The following DDB1 variants were observed in gnomAD, a reference collection of about 807,000 sequenced individuals.
DDB1 encodes damage specific DNA binding protein 1.
A neutral mutation model predicts 133.1 loss-of-function variants in DDB1; 18 were observed. The ratio of observed to expected loss-of-function variants is 0.14; its 90% CI spans 0.09 to 0.20. The LOEUF (loss-of-function observed/expected upper bound fraction) is 0.20, where lower values mean the gene tolerates loss of function less well. Ranked by LOEUF, DDB1 falls within the 10% of genes least tolerant of loss-of-function variation. The pLI is 1.00. For synonymous variants in DDB1, 580 were observed against 550.5 expected, an observed-to-expected ratio of 1.05 and a Z score of -0.75; for missense variants, 828 against 1,459.2, an observed-to-expected ratio of 0.57 and a Z score of 7.05.
chr11:61,310,334 C>T lies in DDB1; in HGVS notation c.2362G>A (p.Val788Met). The T allele has an allele frequency of 6.2e-7, 1 of 1,612,610 alleles. No homozygotes were observed. Among genetic ancestry groups the T allele is most frequent in the African/African-American group, 1.3e-5 (1 of 75,016 alleles). ...HETSFGEEVE[V>M]HNLLIIDQHT... ...TGGTCAATGATAAGTAGGTTGTGCACCTCCACCTCTTCTCCAAAGGAGGTC... is the reference window on the plus strand; with the variant it reads ...TGGTCAATGATAAGTAGGTTGTGCATCTCCACCTCTTCTCCAAAGGAGGTC... The change falls in exon 19 of 27, where the codon GTG becomes ATG. Residue 788 changes from valine (V) to methionine (M), a missense_variant. Val to Met is a conservative substitution (Grantham distance 21). Coordinates refer to ENST00000301764, the MANE Select transcript of DDB1 (RefSeq NM_001923.5).
At chr11:61,302,503 T>C in intron 24 of DDB1, 79 bp downstream of exon 24, 1 of 1,596,374 alleles carries the variant, frequency 6.3e-7, no homozygotes, top group Middle Eastern at 1.7e-4. Flanking sequence ...TCTTGTACAG[T>C]TGCTCTCCCC....
intron 5 of DDB1, 107 bp from the exon 6 acceptor site, chr11:61,325,815 CATT>C: frequency 1.2e-6 from 1 of 840,664 alleles, no homozygotes; most frequent in Middle Eastern, 2.2e-4. Flanking sequence ...TTAAGGTCAT[CATT>C]ATTTTAAAAA....
At chr11:61,307,672 C>T (rs1217483085) in intron 21 of DDB1, among the ~76,000 whole-genome samples, 2 of 152,198 alleles carry the variant, frequency 1.3e-5, no homozygotes, top group Non-Finnish European at 2.9e-5. Context: ...GTACCTCTTC[C>T]CTGGATTCCA....
At chr11:61,301,600 G>A (rs187977681) in intron 25 of DDB1, 1 of 152,164 alleles carries the variant, frequency 6.6e-6, no homozygotes, top group African/African-American at 2.4e-5. Flanking sequence ...AGAAGAAGAA[G>A]AATAAAAGCA....
intron 10 of DDB1, among the ~76,000 whole-genome samples, chr11:61,316,948 T>G (rs1352533193): frequency 3.5e-3 from 14 of 3,986 alleles, no homozygotes; most frequent in African/African-American, 0.013. Flanking sequence ...AAAGGATAGA[T>G]ATATATATAT....
chr11:61,314,054 C>G lies in DDB1; in HGVS notation c.1746G>C (p.Leu582=). 1 of 1,613,962 alleles carries G rather than the reference C, an allele frequency of 6.2e-7. No individual in the cohort carries two copies. The highest frequency in any genetic ancestry group is 8.5e-7 in the Non-Finnish European group (1 of 1,179,938). The change falls in exon 14 of 27, where the codon CTG becomes CTC. Residue 582 remains leucine, a synonymous_variant. Transcript: ENST00000301764. ...TCCCTAAATGACACATACCTCCACC[C>G]AGCATCTCCTTGTGCAGTAGTTCAA... The part of the protein sequence containing the change: ...PSFELLHKEM[L]GGEIIPRSIL...
At chr11:61,322,571 G>T in intron 8 of DDB1, 159 bp from the exon 9 acceptor site, 1 of 630,820 alleles carries the variant, frequency 1.6e-6, no homozygotes. Flanking sequence ...ATTGACGAAA[G>T]AATATGGTTG....
intron 25 of DDB1, 53 bp downstream of exon 25, chr11:61,302,204 C>A: frequency 6.8e-7 from 1 of 1,460,244 alleles, no homozygotes; most frequent in Admixed American, 1.7e-5. Flanking sequence ...ACTCCGTGTG[C>A]CACATATGCC....
rs1856195101 is a variant in DDB1, at chr11:61,322,323, C to T, written c.1095G>A (p.Val365=). Residue 365 remains valine, a synonymous_variant, in exon 9 of 27, where the codon GTG becomes GTA. Coordinates refer to ENST00000301764, the MANE Select transcript of DDB1 (RefSeq NM_001923.5). ...GCCCCTGCCCCTGCCTCTCCAGGTC[C>T]ACCACGCACATATCGACAATGGGTC... ...NLGPIVDMCV[V]DLERQGQGQL... 2 of 1,614,004 alleles carry T rather than the reference C, an allele frequency of 1.2e-6. No individual in the cohort carries two copies. The highest frequency in any genetic ancestry group is 1.7e-5 in the Admixed American group (1 of 59,996).
chr11:61,312,620 GAC>G (rs1855996008), intron 16 of DDB1, among the ~76,000 whole-genome samples: 1 of 146,360 alleles, frequency 6.8e-6, no homozygotes, highest in Non-Finnish European at 1.5e-5. Flanking sequence ...TTTTTTTTAA[GAC>G]AGTTTTTTTT....
At chr11:61,325,289 G>A (rs1012227735) in intron 6 of DDB1, among the ~76,000 whole-genome samples, 1 of 152,152 alleles carries the variant, frequency 6.6e-6, no homozygotes, top group African/African-American at 2.4e-5. Flanking sequence ...AGTGAGCTAC[G>A]ATCATGCCAC....
chr11:61,309,596 A>C (rs1855929545), intron 20 of DDB1, among the ~76,000 whole-genome samples, 200 bp downstream of exon 20: 6 of 152,068 alleles, frequency 3.9e-5, no homozygotes. Context: ...AGAGTAGCAA[A>C]GAAAGAAATG....
At position 61,310,389 on chromosome 11, in the gene DDB1, C is replaced by T; in HGVS notation, c.2307G>A (p.Lys769=). 2 of 1,612,602 alleles carry T rather than the reference C, an allele frequency of 1.2e-6. No homozygotes were observed. The highest frequency in any genetic ancestry group is 2.2e-5 in the East Asian group (1 of 44,884). The change falls in exon 19 of 27, where the codon AAG becomes AAA. Residue 769 remains lysine (K), a synonymous_variant. Transcript: ENST00000301764. Reference sequence around the variant, plus strand: ...GAGGAGCAGTGCTGCTGGAGAACAGCTTGCTGGAGCTTACACTGCTGGACA... The same window carrying T: ...GAGGAGCAGTGCTGCTGGAGAACAGTTTGCTGGAGCTTACACTGCTGGACA... ...QALSSSVSSS[K]LFSSSTAPHE...
chr11:61,306,333 G>A (rs1855882750), intron 21 of DDB1, among the ~76,000 whole-genome samples: 1 of 152,084 alleles, frequency 6.6e-6, no homozygotes, highest in Non-Finnish European at 1.5e-5. Flanking sequence ...GGAACAGGAG[G>A]TAGCACAGTC....
Position 61,326,843 on chromosome 11 carries a change from C to T in DDB1, c.600G>A (p.Lys200=). 2 of 1,614,072 alleles carry T rather than the reference C, an allele frequency of 1.2e-6. No homozygotes were observed. The highest frequency in any genetic ancestry group is 1.3e-5 in the African/African-American group (1 of 74,984). The change falls in exon 5 of 27, where the codon AAG becomes AAA. Residue 200 remains lysine (K), a synonymous_variant. Transcript: ENST00000301764. ...VKTYEVSLRE[K]EFNKGPWKQE... ...GTTTCCAAGGGCCCTTATTGAATTC[C>T]TTTTCTCGGAGAGACACCTCATAGG... is the stretch of plus-strand genomic sequence containing the variant.
chr11:61,324,167 G>A (rs1235586470), intron 6 of DDB1, 30 bp from the exon 7 acceptor site: 2 of 1,613,136 alleles, frequency 1.2e-6, no homozygotes, highest in South Asian at 1.1e-5. Flanking sequence ...AGTCATTAGA[G>A]ATTCAGCATC....
chr11:61,311,570 A>G (rs553889793), intron 18 of DDB1, among the ~76,000 whole-genome samples: 29 of 152,328 alleles, frequency 1.9e-4, no homozygotes, highest in African/African-American at 7.0e-4. Flanking sequence ...AAGGCCACCA[A>G]GTAGGAACTG....
intron 8 of DDB1, chr11:61,322,800 G>C: frequency 1.7e-6 from 1 of 576,002 alleles, no homozygotes; most frequent in Non-Finnish European, 3.1e-6. Flanking sequence ...TGTATCCACA[G>C]CACCTAGCAC....
chr11:61,302,500 C>T lies in DDB1; in HGVS notation c.3112+82G>A, dbSNP rs1855814763. ...CTCTAGTAAACACCTAGGTCTTGTA[C>T]AGTTGCTCTCCCCAGTCCCTCAGAA... On this transcript the variant is annotated intron_variant, in intron 24 of 26. Coordinates refer to ENST00000301764, the MANE Select transcript of DDB1 (RefSeq NM_001923.5). 1.1e-5 allele frequency: 18 copies of T among 1,593,608 alleles called. No homozygotes were observed. The South Asian group carries it at 1.6e-4, about 14-fold the overall frequency.
Sources: allele counts gnomAD v4.1 joint callset (sites outside exome capture counted in the v4.1 genomes callset), GRCh38; gene constraint gnomAD v4.1.1; transcripts MANE v1.5; gene names NCBI Gene and HGNC (gene_info 2026-07-23, HGNC 2026-07-21).